RABGAP1L: variants seen among roughly 807,000 people sequenced by gnomAD.
The protein encoded by RABGAP1L is RAB GTPase activating protein 1 like.
In RABGAP1L, 63 loss-of-function variants were observed where a neutral mutation model predicts 137.7. The ratio of observed to expected loss-of-function variants is 0.46; its 90% confidence interval spans 0.37 to 0.56. RABGAP1L has a LOEUF of 0.56. Among genes scored for constraint, RABGAP1L ranks in the 20% least tolerant of loss-of-function variants. The pLI is 0.00. For missense variants in RABGAP1L, 1,095 were observed against 1,244.0 expected, an observed-to-expected ratio of 0.88 and a Z score of 1.80; for synonymous variants, 431 against 433.7, an observed-to-expected ratio of 0.99 and a Z score of 0.08.
intron 19 of RABGAP1L, among the ~76,000 whole-genome samples, chr1:174,852,263 A>G (rs1258501062): frequency 6.6e-6 from 1 of 152,162 alleles, no homozygotes; most frequent in African/African-American, 2.4e-5. Context: ...GATTCCCATC[A>G]CTTCACATTC....
intron 13 of RABGAP1L, among the ~76,000 whole-genome samples, chr1:174,453,105 T>C (rs1246509010): frequency 1.3e-5 from 2 of 152,214 alleles, no homozygotes; most frequent in Admixed American, 1.3e-4. Flanking sequence ...ATTAAAGATA[T>C]CCAGCAAGCG....
At chr1:174,176,741 A>AAAAAAAAAAAAAAT (rs755688394) in intron 1 of RABGAP1L, among the ~76,000 whole-genome samples, 1 of 111,776 alleles carries the variant, frequency 8.9e-6, no homozygotes, top group African/African-American at 3.6e-5. Flanking sequence ...AAAAAAAAAA[A>AAAAAAAAAAAAAAT]AAAAAGGTCA....
intron 19 of RABGAP1L, among the ~76,000 whole-genome samples, chr1:174,871,281 A>T (rs1652150375): frequency 6.6e-6 from 1 of 151,848 alleles, no homozygotes; most frequent in African/African-American, 2.4e-5. Flanking sequence ...TTACAGGCAT[A>T]TGCCACCACG....
chr1:174,687,280 G>A (rs146883536), intron 15 of RABGAP1L, among the ~76,000 whole-genome samples: 43 of 152,222 alleles, frequency 2.8e-4, no homozygotes, highest in African/African-American at 1.0e-3. Context: ...ATAGCTTCCA[G>A]TGTATGTTAC....
chr1:174,723,195 C>T (rs1681714509), intron 17 of RABGAP1L, among the ~76,000 whole-genome samples: 1 of 152,180 alleles, frequency 6.6e-6, no homozygotes, highest in African/African-American at 2.4e-5. Flanking sequence ...CTGCCTCAGC[C>T]TCCCAAGTAG....
intron 13 of RABGAP1L, among the ~76,000 whole-genome samples, chr1:174,499,076 T>C (rs1294938289): frequency 6.6e-6 from 1 of 152,038 alleles, no homozygotes; most frequent in Non-Finnish European, 1.5e-5. Context: ...AATATCACAA[T>C]GAACATATCC....
At chr1:174,768,181 C>G (rs1388490634) in intron 18 of RABGAP1L, among the ~76,000 whole-genome samples, 1 of 152,128 alleles carries the variant, frequency 6.6e-6, no homozygotes. Flanking sequence ...TGCCTAATTC[C>G]TCTGACTAAA....
intron 13 of RABGAP1L, among the ~76,000 whole-genome samples, chr1:174,571,877 T>A (rs12079879): frequency 0.35 from 53,676 of 152,142 alleles, 12,114 homozygotes; most frequent in African/African-American, 0.64. Context: ...CCATTTTAGC[T>A]GCAAACAGAA....
At chr1:174,496,899 C>T (rs1017927013) in intron 13 of RABGAP1L, among the ~76,000 whole-genome samples, 2 of 152,116 alleles carry the variant, frequency 1.3e-5, no homozygotes, top group African/African-American at 4.8e-5. Context: ...CCTACCCACA[C>T]CCATCACTAT....
intron 19 of RABGAP1L, among the ~76,000 whole-genome samples, chr1:174,847,321 A>C (rs907764162): frequency 6.6e-6 from 1 of 150,790 alleles, no homozygotes; most frequent in African/African-American, 2.4e-5. Flanking sequence ...TCTTCTCAGC[A>C]TAGATGGTCT....
rs541036423 is a variant in RABGAP1L, at chr1:174,332,966, C to G, written c.1465+27839C>G. 7.2e-5 allele frequency among the ~76,000 whole-genome samples: 11 copies of G among 152,174 alleles called. No individual in the cohort carries two copies. In the South Asian group the frequency reaches 2.3e-3, roughly 32 times the overall value. Reference sequence around the variant, plus strand: ...ATAAAGAAAATGTATTATACATACACAATAAAATACTATTCAGTCATAAAA... The same window carrying G: ...ATAAAGAAAATGTATTATACATACAGAATAAAATACTATTCAGTCATAAAA... On this transcript the variant is annotated intron_variant, in intron 11 of 25. Coordinates refer to ENST00000681986, the MANE Select transcript of RABGAP1L (RefSeq NM_001366446.1).
chr1:174,298,800 A>G (rs1332063549), intron 10 of RABGAP1L, among the ~76,000 whole-genome samples: 2 of 152,200 alleles, frequency 1.3e-5, no homozygotes, highest in Non-Finnish European at 2.9e-5. Context: ...AGTGATGATC[A>G]TCCTATTTAT....
rs981235743 is a variant in RABGAP1L at position 174,991,697 on chromosome 1, C to T, written c.*1696C>T. ...TTCATTACAAAATTTATTTTCTTAA[C>T]AAAAAGGAACATAACCCAGCATTCC... On this transcript the variant is annotated 3_prime_UTR_variant, in exon 26 of 26. Transcript: ENST00000681986. 4 of 151,662 alleles carry T rather than the reference C, an allele frequency of 2.6e-5. No homozygotes were observed. Among genetic ancestry groups the T allele is most frequent in the African/African-American group, 9.7e-5 (4 of 41,254 alleles). The allele number at this position is 151,662 out of a possible 1,614,324, so 9.4% of individuals were successfully genotyped here. A position where few individuals can be genotyped will look rare whatever the true frequency, so the allele number is the denominator to read the frequency against.
intron 13 of RABGAP1L, among the ~76,000 whole-genome samples, chr1:174,619,529 C>T (rs1277300126): frequency 6.6e-6 from 1 of 152,156 alleles, no homozygotes; most frequent in African/African-American, 2.4e-5. Context: ...ATTTCATATC[C>T]AGCCAAACTA....
At chr1:174,337,986 C>T (rs1019948703) in intron 11 of RABGAP1L, among the ~76,000 whole-genome samples, 2 of 152,078 alleles carry the variant, frequency 1.3e-5, no homozygotes, top group African/African-American at 4.8e-5. Context: ...GTTTGAGTTG[C>T]GTTTGACTCA....
At chr1:174,680,686 A>G (rs1413684580) in intron 14 of RABGAP1L, among the ~76,000 whole-genome samples, 3 of 152,006 alleles carry the variant, frequency 2.0e-5, no homozygotes, top group South Asian at 2.1e-4. Context: ...ACTTGAGCCT[A>G]GGAGCTCCAG....
intron 13 of RABGAP1L, among the ~76,000 whole-genome samples, chr1:174,514,482 T>C (rs1238459425): frequency 1.3e-5 from 2 of 152,190 alleles, no homozygotes; most frequent in African/African-American, 4.8e-5. Flanking sequence ...CTGTAAGTTA[T>C]AACTTACACA....
chr1:174,965,218 T>C (rs564125826), intron 20 of RABGAP1L, among the ~76,000 whole-genome samples: 3 of 121,350 alleles, frequency 2.5e-5, no homozygotes, highest in African/African-American at 8.6e-5. Context: ...TTAAGAGTTA[T>C]GTAAGCAGTG....
intron 14 of RABGAP1L, among the ~76,000 whole-genome samples, chr1:174,657,408 C>T (rs907763859): frequency 3.3e-5 from 5 of 152,140 alleles, no homozygotes; most frequent in African/African-American, 1.2e-4. Flanking sequence ...TTCTCTCTAC[C>T]CTTCCAAGCT....
Sources: allele counts gnomAD v4.1 joint callset (sites outside exome capture counted in the v4.1 genomes callset), GRCh38; gene constraint gnomAD v4.1.1; transcripts MANE v1.5; gene names NCBI Gene and HGNC (gene_info 2026-07-23, HGNC 2026-07-21).